SORCS3: variants seen among roughly 807,000 people sequenced by gnomAD.
SORCS3 encodes the protein VPS10 domain-containing receptor SorCS3.
Under a neutral mutation model 146.3 loss-of-function variants are expected in SORCS3, and 57 were observed. That is an observed-to-expected ratio of 0.39 (90% confidence interval 0.31 to 0.49). SORCS3 has a LOEUF of 0.49. SORCS3 is among the 20% of genes least tolerant of loss of function. The probability of loss-of-function intolerance (pLI) is 0.92; values close to 1 mark genes in which losing one functional copy is unlikely to be tolerated. For missense variants in SORCS3, 1,341 were observed against 1,575.5 expected, an observed-to-expected ratio of 0.85 and a Z score of 2.52; for synonymous variants, 653 against 618.5, an observed-to-expected ratio of 1.06 and a Z score of -0.83.
At chr10:105,016,149 A>ATTTTTTTTTTTTTT (rs2055165191) in intron 4 of SORCS3, among the ~76,000 whole-genome samples, 1 of 106,342 alleles carries the variant, frequency 9.4e-6, no homozygotes, top group African/African-American at 5.4e-5. Context: ...ATATATATAT[A>ATTTTTTTTTTTTTT]TATATATTTT....
chr10:105,050,548 A>G (rs1229535421), intron 5 of SORCS3, among the ~76,000 whole-genome samples: 1 of 152,116 alleles, frequency 6.6e-6, no homozygotes, highest in Non-Finnish European at 1.5e-5. Context: ...TCAAAAGCAG[A>G]TCCTTCTCCA....
At chr10:105,082,283 G>A (rs1470804) in intron 5 of SORCS3, among the ~76,000 whole-genome samples, 34,511 of 151,944 alleles carry the variant, frequency 0.23, 4,143 homozygotes, top group Admixed American at 0.34. Context: ...TAGTAGCAGG[G>A]GCTTCTTATA....
intron 20 of SORCS3, among the ~76,000 whole-genome samples, chr10:105,224,905 AG>A (rs137992477): frequency 0.018 from 2,746 of 152,246 alleles, 85 homozygotes; most frequent in African/African-American, 0.062. Context: ...TTGTCTATTA[AG>A]GTCTGTGGCC....
chr10:104,981,836 G>T (rs923120452), intron 4 of SORCS3, among the ~76,000 whole-genome samples: 1 of 152,114 alleles, frequency 6.6e-6, no homozygotes, highest in African/African-American at 2.4e-5. Flanking sequence ...GGATTGCAAA[G>T]CTCTCTAATA....
intron 2 of SORCS3, among the ~76,000 whole-genome samples, chr10:104,847,296 T>C (rs1195280971): frequency 6.6e-6 from 1 of 152,228 alleles, no homozygotes; most frequent in African/African-American, 2.4e-5. Flanking sequence ...TGAACATATG[T>C]CCTGGTGAGG....
At chr10:105,209,352 A>G (rs1345457587) in intron 16 of SORCS3, among the ~76,000 whole-genome samples, 1 of 152,078 alleles carries the variant, frequency 6.6e-6, no homozygotes, top group African/African-American at 2.4e-5. Context: ...CATGTTGGCC[A>G]GGCTGGTCTC....
intron 4 of SORCS3, among the ~76,000 whole-genome samples, chr10:104,979,442 C>T (rs1433673143): frequency 6.6e-6 from 1 of 152,184 alleles, no homozygotes; most frequent in African/African-American, 2.4e-5. Flanking sequence ...ATTCTGAGCA[C>T]TGTCTTACAT....
intron 5 of SORCS3, among the ~76,000 whole-genome samples, chr10:105,082,926 C>G (rs2055635181): frequency 6.6e-6 from 1 of 152,050 alleles, no homozygotes; most frequent in Non-Finnish European, 1.5e-5. Context: ...GACAGGGTTT[C>G]ATCATGTTGG....
intron 14 of SORCS3, among the ~76,000 whole-genome samples, chr10:105,191,570 A>G (rs1247049452): frequency 6.6e-6 from 1 of 152,238 alleles, no homozygotes; most frequent in Non-Finnish European, 1.5e-5. Flanking sequence ...GAATAACATT[A>G]TTAGAAAGCT....
chr10:105,262,204 A>G, intron 25 of SORCS3, 127 bp from the exon 26 acceptor site: 2 of 843,520 alleles, frequency 2.4e-6, no homozygotes, highest in South Asian at 3.4e-5. Flanking sequence ...GGGGTTACCA[A>G]TATCTTTCCC....
At chr10:104,848,052 G>A (rs1384406756) in intron 2 of SORCS3, among the ~76,000 whole-genome samples, 1 of 152,094 alleles carries the variant, frequency 6.6e-6, no homozygotes, top group East Asian at 1.9e-4. Flanking sequence ...CTCAAGGGCA[G>A]GGACCGTGTG....
chr10:104,778,337 G>A (rs1246046216), intron 1 of SORCS3, among the ~76,000 whole-genome samples: 2 of 152,222 alleles, frequency 1.3e-5, no homozygotes, highest in East Asian at 3.9e-4. Context: ...AGGTGCTTCT[G>A]ACATTGGGCC....
intron 2 of SORCS3, among the ~76,000 whole-genome samples, chr10:104,889,258 T>A (rs1055033171): frequency 1.3e-5 from 2 of 151,212 alleles, no homozygotes; most frequent in Admixed American, 1.3e-4. Context: ...GTAGACATTT[T>A]ATATTTGTGG....
chr10:104,909,277 A>C (rs1412984843), intron 2 of SORCS3, among the ~76,000 whole-genome samples: 1 of 152,144 alleles, frequency 6.6e-6, no homozygotes, highest in Non-Finnish European at 1.5e-5. Context: ...AGCTAGAGCT[A>C]CTTTAAATGG....
chr10:105,012,960 T>C (rs796391278), intron 4 of SORCS3, among the ~76,000 whole-genome samples: 1 of 152,190 alleles, frequency 6.6e-6, no homozygotes, highest in African/African-American at 2.4e-5. Flanking sequence ...AATGTGAAGG[T>C]TGAATGAGAT....
intron 14 of SORCS3, among the ~76,000 whole-genome samples, chr10:105,198,394 T>G (rs2056555949): frequency 6.6e-6 from 1 of 152,094 alleles, no homozygotes; most frequent in African/African-American, 2.4e-5. Flanking sequence ...CTCCCACTGT[T>G]TTTGTTTGTT....
chr10:104,790,795 A>T (rs2017487865), intron 1 of SORCS3, among the ~76,000 whole-genome samples: 1 of 152,212 alleles, frequency 6.6e-6, no homozygotes, highest in South Asian at 2.1e-4. Flanking sequence ...CTCAACGCTA[A>T]TGACATTTAC....
At chr10:104,957,919 C>G (rs1439797331) in intron 3 of SORCS3, among the ~76,000 whole-genome samples, 3 of 152,040 alleles carry the variant, frequency 2.0e-5, no homozygotes, top group African/African-American at 4.8e-5. Flanking sequence ...AACCCAAACG[C>G]CTATGATCAC....
At chr10:104,725,635 T>TCAC (rs921170938) in intron 1 of SORCS3, among the ~76,000 whole-genome samples, 8 of 152,322 alleles carry the variant, frequency 5.3e-5, no homozygotes, top group Admixed American at 2.0e-4. Context: ...CAGTTCGAGC[T>TCAC]CCCTGGCTGC....
Sources: gnomAD v4.1 joint callset for allele counts (sites outside exome capture counted in the v4.1 genomes callset) on GRCh38, gnomAD v4.1.1 for gene constraint, MANE v1.5 for transcripts, NCBI Gene and HGNC (gene_info 2026-07-23, HGNC 2026-07-21) for gene names.